The following CAMKMT variants were observed in gnomAD, a reference collection of about 807,000 sequenced individuals.
CAMKMT encodes the protein calmodulin-lysine N-methyltransferase.
Under a neutral mutation model 48.0 loss-of-function variants are expected in CAMKMT, and 53 were observed. The observed-to-expected ratio is 1.10, with a 90% CI of 0.89 to 1.39. CAMKMT has a LOEUF of 1.39. CAMKMT is among the 40% of genes most tolerant of loss of function. The pLI is 0.00. For missense variants in CAMKMT, 428 were observed against 402.7 expected, an observed-to-expected ratio of 1.06 and a Z score of -0.54; for synonymous variants, 165 against 152.3, an observed-to-expected ratio of 1.08 and a Z score of -0.61.
intron 3 of CAMKMT, among the ~76,000 whole-genome samples, chr2:44,440,296 C>G (rs971693797): frequency 3.3e-5 from 5 of 152,100 alleles, no homozygotes; most frequent in African/African-American, 4.8e-5. Flanking sequence ...GGAAATCACA[C>G]AAAGAGTGGG....
At chr2:44,470,292 C>G (rs1486431682) in intron 3 of CAMKMT, among the ~76,000 whole-genome samples, 1 of 152,122 alleles carries the variant, frequency 6.6e-6, no homozygotes, top group Non-Finnish European at 1.5e-5. Flanking sequence ...TGGGTCATTT[C>G]TTTGCTTTAA....
intron 3 of CAMKMT, among the ~76,000 whole-genome samples, chr2:44,644,046 C>G (rs988426318): frequency 1.3e-5 from 2 of 152,128 alleles, no homozygotes; most frequent in African/African-American, 2.4e-5. Flanking sequence ...TAAGTCAAAG[C>G]GTAAATGTAG....
At chr2:44,611,783 C>T (rs560281997) in intron 3 of CAMKMT, among the ~76,000 whole-genome samples, 1 of 151,838 alleles carries the variant, frequency 6.6e-6, no homozygotes, top group African/African-American at 2.4e-5. Flanking sequence ...CCTCAGGAAG[C>T]TTCCAATCAT....
chr2:44,563,393 TATTACC>T (rs2103702600), intron 3 of CAMKMT, among the ~76,000 whole-genome samples: 1 of 151,940 alleles, frequency 6.6e-6, no homozygotes, highest in South Asian at 2.1e-4. Context: ...CTTATGTAGA[TATTACC>T]ATTTGTGCTC....
At chr2:44,542,522 C>G (rs1667177220) in intron 3 of CAMKMT, among the ~76,000 whole-genome samples, 1 of 102,706 alleles carries the variant, frequency 9.7e-6, no homozygotes, top group Non-Finnish European at 2.5e-5. Flanking sequence ...CACACACACA[C>G]ACACACACAC....
At chr2:44,587,480 C>T (rs574162969) in intron 3 of CAMKMT, among the ~76,000 whole-genome samples, 34 of 137,806 alleles carry the variant, frequency 2.5e-4, no homozygotes, top group Admixed American at 4.4e-4. Context: ...CTCTCCGTCT[C>T]CCTCTCTCTC....
At chr2:44,401,816 A>G (rs1682397828) in intron 3 of CAMKMT, among the ~76,000 whole-genome samples, 1 of 152,014 alleles carries the variant, frequency 6.6e-6, no homozygotes, top group South Asian at 2.1e-4. Flanking sequence ...GATGTCTTCC[A>G]GTTTGACCTC....
At chr2:44,377,847 G>A (rs1679853143) in intron 2 of CAMKMT, among the ~76,000 whole-genome samples, 1 of 151,510 alleles carries the variant, frequency 6.6e-6, no homozygotes, top group Middle Eastern at 3.4e-3. Flanking sequence ...CCATTTCTAG[G>A]GAAAGAAAAA....
chr2:44,771,329 A>T (rs1681100751), intron 10 of CAMKMT, among the ~76,000 whole-genome samples: 1 of 152,250 alleles, frequency 6.6e-6, no homozygotes, highest in Non-Finnish European at 1.5e-5. Context: ...TTTATTTGCT[A>T]GAATAAATAT....
chr2:44,480,864 A>G (rs1203521308), intron 3 of CAMKMT, among the ~76,000 whole-genome samples: 3 of 152,080 alleles, frequency 2.0e-5, no homozygotes, highest in Non-Finnish European at 4.4e-5. Flanking sequence ...ATACATATTT[A>G]TATGTATTAT....
At chr2:44,759,231 C>G (rs2104396452) in intron 9 of CAMKMT, among the ~76,000 whole-genome samples, 1 of 152,268 alleles carries the variant, frequency 6.6e-6, no homozygotes, top group Admixed American at 6.5e-5. Flanking sequence ...TCAGGTGATC[C>G]TCCTGCCTCA....
chr2:44,534,695 CAACAT>C (rs1414914394), intron 3 of CAMKMT, among the ~76,000 whole-genome samples: 8 of 151,908 alleles, frequency 5.3e-5, no homozygotes, highest in Non-Finnish European at 1.0e-4. Flanking sequence ...AATGGAAACA[CAACAT>C]AACAAAATCC....
chr2:44,473,994 C>T (rs1668554328), intron 3 of CAMKMT, among the ~76,000 whole-genome samples: 1 of 152,126 alleles, frequency 6.6e-6, no homozygotes, highest in South Asian at 2.1e-4. Flanking sequence ...TGATTTATAG[C>T]AGAGATTATT....
intron 3 of CAMKMT, among the ~76,000 whole-genome samples, chr2:44,694,841 C>T (rs907596634): frequency 2.6e-5 from 4 of 152,180 alleles, no homozygotes; most frequent in Non-Finnish European, 4.4e-5. Context: ...TAGTACTCTT[C>T]CTTTTCCAGA....
intron 3 of CAMKMT, among the ~76,000 whole-genome samples, chr2:44,674,641 G>C (rs1350392632): frequency 6.6e-6 from 1 of 152,166 alleles, no homozygotes; most frequent in Non-Finnish European, 1.5e-5. Flanking sequence ...AAGTGGTTAA[G>C]TGTTCAGGTG....
At chr2:44,666,612 C>CTTTTTTTTTTTTTTTTTTTTTTTTT (rs1293884982) in intron 3 of CAMKMT, among the ~76,000 whole-genome samples, 2 of 133,974 alleles carry the variant, frequency 1.5e-5, no homozygotes, top group African/African-American at 5.9e-5. Flanking sequence ...CTCCTGGAAT[C>CTTTTTTTTTTTTTTTTTTTTTTTTT]TTTTTTTTTT....
intron 3 of CAMKMT, among the ~76,000 whole-genome samples, chr2:44,655,401 G>T (rs534630800): frequency 7.9e-5 from 12 of 152,156 alleles, no homozygotes; most frequent in African/African-American, 2.4e-4. Flanking sequence ...GCTTTATTTG[G>T]CTAGTTGACA....
At chr2:44,498,192 T>C (rs1341582548) in intron 3 of CAMKMT, among the ~76,000 whole-genome samples, 2 of 152,194 alleles carry the variant, frequency 1.3e-5, no homozygotes. Context: ...AAATGAGCAA[T>C]GCTTAACCTC....
intron 3 of CAMKMT, among the ~76,000 whole-genome samples, chr2:44,616,655 C>T (rs537361116): frequency 6.6e-5 from 10 of 152,306 alleles, no homozygotes; most frequent in South Asian, 2.1e-4. Flanking sequence ...ATCCTCTGAA[C>T]TGAGTCACCT....
Sources: gnomAD v4.1 joint callset for allele counts (sites outside exome capture counted in the v4.1 genomes callset) on GRCh38, gnomAD v4.1.1 for gene constraint, MANE v1.5 for transcripts, NCBI Gene and HGNC (gene_info 2026-07-23, HGNC 2026-07-21) for gene names.